The following MRE11 variants were observed in gnomAD, a reference collection of about 807,000 sequenced individuals.
MRE11 encodes double-strand break repair protein MRE11.
A neutral mutation model predicts 91.7 loss-of-function variants in MRE11; 62 were observed. The ratio of observed to expected loss-of-function variants is 0.68; its 90% CI spans 0.55 to 0.84. The LOEUF (loss-of-function observed/expected upper bound fraction) is 0.84. MRE11 is among the 40% of genes least tolerant of loss of function. The pLI is 0.00. For missense variants in MRE11, 796 were observed against 852.9 expected (o/e 0.93, Z 0.83); for synonymous variants, 273 against 271.4 (o/e 1.01, Z -0.06).
At chr11:94,471,819 G>A in intron 7 of MRE11, 60 bp from the exon 8 acceptor site, 1 of 1,307,724 alleles carries the variant, frequency 7.6e-7, no homozygotes, top group Non-Finnish European at 1.1e-6. Flanking sequence ...TATTATTGAA[G>A]TCTATACAGA....
At chr11:94,437,701 AG>A (rs1945659250) in intron 16 of MRE11, among the ~76,000 whole-genome samples, 1 of 152,238 alleles carries the variant, frequency 6.6e-6, no homozygotes, top group Non-Finnish European at 1.5e-5. Flanking sequence ...ATTCCAGAGG[AG>A]AATTCTAGAA....
chr11:94,489,305 T>G (rs1389756086), intron 3 of MRE11, among the ~76,000 whole-genome samples: 5 of 149,640 alleles, frequency 3.3e-5, no homozygotes, highest in African/African-American at 7.4e-5. Flanking sequence ...GGCCTCAGAG[T>G]AGAACATGCC....
At chr11:94,423,778 A>G (rs1387369905) in intron 19 of MRE11, among the ~76,000 whole-genome samples, 1 of 152,212 alleles carries the variant, frequency 6.6e-6, no homozygotes, top group Admixed American at 6.5e-5. Context: ...CAGACGATGG[A>G]GCCACAGGCT....
chr11:94,447,505 T>G, intron 14 of MRE11, 67 bp from the exon 15 acceptor site: 2 of 1,473,490 alleles, frequency 1.4e-6, no homozygotes, highest in Non-Finnish European at 1.9e-6. Flanking sequence ...ATCATTAATT[T>G]AGGCATTGAC....
At chr11:94,505,319 T>C in the MRE11 span, among the ~76,000 whole-genome samples, 6 of 152,200 alleles carry the variant, frequency 3.9e-5, no homozygotes, top group African/African-American at 1.4e-4. Flanking sequence ...CATAATGTTA[T>C]TGCCCCTGAA....
At chr11:94,496,469 GTGTA>G (rs746864001), upstream of MRE11, 5 of 404,882 alleles carry the variant, frequency 1.2e-5, no homozygotes, top group Non-Finnish European at 2.2e-5. Flanking sequence ...TCAGTATTTA[GTGTA>G]TGTAAGGGAT....
intron 5 of MRE11, 57 bp from the exon 6 acceptor site, chr11:94,478,933 G>A (rs1469700019): frequency 3.1e-5 from 48 of 1,558,038 alleles, no homozygotes; most frequent in Non-Finnish European, 3.8e-5. Flanking sequence ...GTATCTGCAT[G>A]AATATCGTAT....
chr11:94,466,788 T>C (rs923313009), intron 10 of MRE11, among the ~76,000 whole-genome samples: 2 of 152,182 alleles, frequency 1.3e-5, no homozygotes, highest in African/African-American at 4.8e-5. Flanking sequence ...AGGCTCTGCA[T>C]TTTTAACAAT....
rs1945125560 is a variant in MRE11, at chr11:94,419,957, T to TA, written c.*167dup. 3 of 517,266 alleles carry TA rather than the reference T, an allele frequency of 5.8e-6. No homozygotes were observed. Among genetic ancestry groups the TA allele is most frequent in the Middle Eastern group, 5.2e-4 (1 of 1,912 alleles). The allele number at this position is 517,266 out of a possible 1,614,324, so 32.0% of individuals were successfully genotyped here. ...AAAGCTCTTACTACAACAACCAGGT[T>TA]AAAAAAACAAGGTGAATCAATGCTA... On this transcript the variant is annotated 3_prime_UTR_variant, in exon 20 of 20. Transcript: ENST00000323929.
At chr11:94,485,437 A>T (rs1286425765) in intron 4 of MRE11, among the ~76,000 whole-genome samples, 1 of 152,204 alleles carries the variant, frequency 6.6e-6, no homozygotes, top group Non-Finnish European at 1.5e-5. Flanking sequence ...GATTGGGAAA[A>T]AATATATGTA....
chr11:94,427,250 C>T (rs1383654075), intron 19 of MRE11, among the ~76,000 whole-genome samples: 1 of 152,032 alleles, frequency 6.6e-6, no homozygotes, highest in East Asian at 1.9e-4. Flanking sequence ...TATGCAAATC[C>T]ATAAATGTGA....
At chr11:94,440,368 A>T (rs1415355216) in intron 16 of MRE11, among the ~76,000 whole-genome samples, 5 of 151,466 alleles carry the variant, frequency 3.3e-5, no homozygotes, top group African/African-American at 9.7e-5. Flanking sequence ...AGACAAAATG[A>T]CCTCTCATTG....
At chr11:94,464,465 G>A (rs1015075748) in intron 10 of MRE11, among the ~76,000 whole-genome samples, 1 of 152,118 alleles carries the variant, frequency 6.6e-6, no homozygotes, top group African/African-American at 2.4e-5. Flanking sequence ...ATGGAATCAA[G>A]GTATTGCAAT....
chr11:94,476,910 G>A (rs1039428919), intron 6 of MRE11, among the ~76,000 whole-genome samples: 1 of 151,960 alleles, frequency 6.6e-6, no homozygotes, highest in African/African-American at 2.4e-5. Context: ...AGTAGAGATG[G>A]GGTTTTGCCA....
intron 7 of MRE11, 96 bp downstream of exon 7, chr11:94,476,193 G>C (rs1343181444): frequency 3.9e-6 from 3 of 760,542 alleles, no homozygotes; most frequent in South Asian, 3.0e-5. Flanking sequence ...TGACAACCTT[G>C]AAAGATTAAG....
the MRE11 span, among the ~76,000 whole-genome samples, chr11:94,511,769 G>A: frequency 4.1e-4 from 63 of 152,268 alleles, no homozygotes; most frequent in African/African-American, 1.5e-3. Flanking sequence ...ACACCACAAC[G>A]TAATCCATTT....
At chr11:94,498,501 A>C, upstream of MRE11, 1 of 1,613,462 alleles carries the variant, frequency 6.2e-7, no homozygotes, top group Non-Finnish European at 8.5e-7. Flanking sequence ...GAAATTGTGG[A>C]AGGCTGTACA....
In MRE11 at chr11:94,435,848, A is replaced by C; in HGVS notation, c.1978T>G (p.Ser660Ala). 1 of 1,613,608 alleles carries C rather than the reference A, an allele frequency of 6.2e-7. No individual in the cohort carries two copies. The highest frequency in any genetic ancestry group is 1.1e-5 in the South Asian group (1 of 91,068). The change falls in exon 18 of 20, where the codon TCA (serine) becomes GCA (alanine). Residue 660 changes from serine (S) to alanine (A), a missense_variant. By Grantham distance (99) the Ser-to-Ala change is moderately conservative (BLOSUM62 1). Coordinates refer to ENST00000323929, the MANE Select transcript of MRE11 (RefSeq NM_005591.4). ...DVEEDIFPTT[S>A]KTDQRWSSTS... ...TGCACCTACCTTTGATCTGTCTTTGAAGTGGTAGGAAAAATGTCTTCTTCC... is the reference window on the plus strand; with the variant it reads ...TGCACCTACCTTTGATCTGTCTTTGCAGTGGTAGGAAAAATGTCTTCTTCC...
At chr11:94,492,661 TTC>T (rs1307594910) in intron 2 of MRE11, 119 bp downstream of exon 2, 1 of 1,435,286 alleles carries the variant, frequency 7.0e-7, no homozygotes, top group East Asian at 2.3e-5. Flanking sequence ...TGACTAATAT[TTC>T]TGTTCATAAA....
Sources: gnomAD v4.1 joint callset for allele counts (sites outside exome capture counted in the v4.1 genomes callset) on GRCh38, gnomAD v4.1.1 for gene constraint, MANE v1.5 for transcripts, NCBI Gene and HGNC (gene_info 2026-07-23, HGNC 2026-07-21) for gene names.